The following ZNF385D variants were observed in gnomAD, a reference collection of about 807,000 sequenced individuals.
ZNF385D encodes the protein zinc finger protein 385D.
ZNF385D carries 15 observed loss-of-function variants against 35.8 expected under a neutral mutation model. The ratio of observed to expected loss-of-function variants is 0.42; its 90% CI spans 0.28 to 0.64. The LOEUF (loss-of-function observed/expected upper bound fraction) is 0.64. Ranked by LOEUF, ZNF385D falls within the 30% of genes least tolerant of loss-of-function variation. The pLI is 0.23. For missense variants in ZNF385D, 474 were observed against 494.6 expected, an observed-to-expected ratio of 0.96 and a Z score of 0.39; for synonymous variants, 212 against 186.8, an observed-to-expected ratio of 1.13 and a Z score of -1.10.
intron 2 of ZNF385D, among the ~76,000 whole-genome samples, chr3:22,228,251 C>A (rs1053395912): frequency 6.6e-6 from 1 of 152,192 alleles, no homozygotes; most frequent in African/African-American, 2.4e-5. Context: ...CTTTTCAGAG[C>A]CATCATGTTC....
intron 3 of ZNF385D, among the ~76,000 whole-genome samples, chr3:22,125,184 A>G (rs116369685): frequency 1.1e-3 from 166 of 152,200 alleles, no homozygotes; most frequent in African/African-American, 3.9e-3. Flanking sequence ...CCTTTTCCCA[A>G]TGTATGTTCT....
chr3:22,092,597 C>T (rs997839579), intron 3 of ZNF385D, among the ~76,000 whole-genome samples: 1 of 152,150 alleles, frequency 6.6e-6, no homozygotes. Flanking sequence ...GAAGCTGGTT[C>T]CAGACCCTCT....
At chr3:22,239,568 T>G (rs1043952031) in intron 2 of ZNF385D, among the ~76,000 whole-genome samples, 1 of 151,030 alleles carries the variant, frequency 6.6e-6, no homozygotes, top group Non-Finnish European at 1.5e-5. Flanking sequence ...TTAAAATAGT[T>G]GCTGGCAGAC....
At chr3:21,451,513 C>T (rs1419913718) in intron 4 of ZNF385D, among the ~76,000 whole-genome samples, 2 of 151,978 alleles carry the variant, frequency 1.3e-5, no homozygotes, top group Admixed American at 1.3e-4. Context: ...GTGGATCTCT[C>T]AAGTTAGTCC....
At chr3:22,044,066 G>T (rs1359084393) in intron 3 of ZNF385D, among the ~76,000 whole-genome samples, 1 of 150,646 alleles carries the variant, frequency 6.6e-6, no homozygotes, top group Non-Finnish European at 1.5e-5. Flanking sequence ...ACATGGTGAT[G>T]AGATGAAACA....
rs568735925 is a variant in ZNF385D, at chr3:21,588,712, A to G, written c.166-24028T>C. ...TTGAAAGCATAATTCTAAAATTTAC[A>G]TAGGAGAGGAAGTTATCAAGAATAG... On this transcript the variant is annotated intron_variant, in intron 2 of 7. Transcript: ENST00000281523. Among the ~76,000 whole-genome samples, 5 of 152,294 alleles carry G rather than the reference A, an allele frequency of 3.3e-5. No homozygotes were observed. In the South Asian group the frequency reaches 8.3e-4, roughly 25 times the overall value.
At chr3:22,348,598 G>A (rs745328714) in intron 2 of ZNF385D, among the ~76,000 whole-genome samples, 1 of 147,226 alleles carries the variant, frequency 6.8e-6, no homozygotes, top group African/African-American at 2.5e-5. Flanking sequence ...CCGGGAGGTG[G>A]AAGTTGCGGT....
chr3:21,694,162 G>C (rs1049636155), intron 1 of ZNF385D, among the ~76,000 whole-genome samples: 1 of 150,072 alleles, frequency 6.7e-6, no homozygotes, highest in South Asian at 2.1e-4. Flanking sequence ...TCCTGCCTCA[G>C]CCTCCCGAGT....
chr3:21,749,888 C>G (rs1263632640), intron 1 of ZNF385D, among the ~76,000 whole-genome samples: 1 of 152,188 alleles, frequency 6.6e-6, no homozygotes, highest in East Asian at 1.9e-4. Flanking sequence ...CTAAATACCT[C>G]TTTAATCTGA....
At chr3:21,744,515 A>G (rs1046177530) in intron 1 of ZNF385D, among the ~76,000 whole-genome samples, 2 of 152,218 alleles carry the variant, frequency 1.3e-5, no homozygotes, top group African/African-American at 4.8e-5. Flanking sequence ...ATTTTCAGCT[A>G]CTTGTGCATA....
intron 2 of ZNF385D, among the ~76,000 whole-genome samples, chr3:22,320,819 G>T (rs992861686): frequency 6.6e-6 from 1 of 151,316 alleles, no homozygotes; most frequent in African/African-American, 2.4e-5. Context: ...GTAATTTTTT[G>T]ATTTTATAAG....
intron 3 of ZNF385D, among the ~76,000 whole-genome samples, chr3:21,863,305 G>A (rs905167623): frequency 3.3e-5 from 5 of 151,926 alleles, no homozygotes; most frequent in African/African-American, 7.2e-5. Flanking sequence ...CAAAATTGTT[G>A]ACATTCTTTT....
chr3:22,000,133 G>A (rs1045121569), intron 3 of ZNF385D, among the ~76,000 whole-genome samples: 5 of 151,956 alleles, frequency 3.3e-5, no homozygotes, highest in South Asian at 2.1e-4. Flanking sequence ...GTGAAACCCC[G>A]TCTCTACTCA....
intron 3 of ZNF385D, among the ~76,000 whole-genome samples, chr3:22,035,190 C>T (rs142860556): frequency 7.2e-4 from 109 of 152,154 alleles, no homozygotes; most frequent in African/African-American, 2.6e-3. Flanking sequence ...AGTTTGATCG[C>T]AATTAAAAAT....
At chr3:22,021,059 A>C (rs138524385) in intron 3 of ZNF385D, among the ~76,000 whole-genome samples, 89 of 152,056 alleles carry the variant, frequency 5.9e-4, no homozygotes, top group African/African-American at 2.0e-3. Context: ...TGGGAGCTAA[A>C]AATGTATACC....
intron 6 of ZNF385D, among the ~76,000 whole-genome samples, 158 bp from the exon 7 acceptor site, chr3:21,424,222 C>T (rs1407333578): frequency 7.6e-6 from 1 of 131,984 alleles, no homozygotes; most frequent in Non-Finnish European, 1.6e-5. Flanking sequence ...GATTCTGATG[C>T]CTTGAGGATA....
intron 1 of ZNF385D, among the ~76,000 whole-genome samples, chr3:21,677,778 TC>T (rs1440248304): frequency 6.6e-6 from 1 of 152,032 alleles, no homozygotes; most frequent in African/African-American, 2.4e-5. Flanking sequence ...CTGTTAATTT[TC>T]ATAGCAATTC....
At chr3:21,911,165 A>T (rs561881202) in intron 3 of ZNF385D, among the ~76,000 whole-genome samples, 1 of 152,092 alleles carries the variant, frequency 6.6e-6, no homozygotes, top group East Asian at 1.9e-4. Context: ...GTGACTTCTA[A>T]AGCTGGAAAT....
At chr3:21,990,159 A>G (rs1695071412) in intron 3 of ZNF385D, among the ~76,000 whole-genome samples, 4 of 152,256 alleles carry the variant, frequency 2.6e-5, no homozygotes, top group Admixed American at 2.6e-4. Context: ...CAATGATTAT[A>G]GGATGCTTAT....
Sources: allele counts gnomAD v4.1 joint callset (sites outside exome capture counted in the v4.1 genomes callset), GRCh38; gene constraint gnomAD v4.1.1; transcripts MANE v1.5; gene names NCBI Gene and HGNC (gene_info 2026-07-23, HGNC 2026-07-21).